RIMS1: variants seen among roughly 807,000 people sequenced by gnomAD.
RIMS1 encodes the protein regulating synaptic membrane exocytosis protein 1.
RIMS1 carries 83 observed loss-of-function variants against 214.1 expected under a neutral mutation model. That is an observed-to-expected ratio of 0.39 (90% CI 0.32 to 0.47). The LOEUF (loss-of-function observed/expected upper bound fraction) is 0.47. Ranked by LOEUF, RIMS1 falls within the 20% of genes least tolerant of loss-of-function variation. The probability of loss-of-function intolerance (pLI) is 0.99; values close to 1 mark genes in which losing one functional copy is unlikely to be tolerated. For synonymous variants in RIMS1, 793 were observed against 786.8 expected, an observed-to-expected ratio of 1.01 and a Z score of -0.13; for missense variants, 2,050 against 2,161.8, an observed-to-expected ratio of 0.95 and a Z score of 1.03.
At chr6:72,103,168 G>C (rs912630934) in intron 4 of RIMS1, among the ~76,000 whole-genome samples, 1 of 152,062 alleles carries the variant, frequency 6.6e-6, no homozygotes, top group African/African-American at 2.4e-5. Context: ...TGGCTGATTA[G>C]ATTTCACAAG....
chr6:72,251,184 A>G (rs1311664392), intron 14 of RIMS1, 31 bp from the exon 15 acceptor site: 5 of 1,575,960 alleles, frequency 3.2e-6, no homozygotes, highest in Middle Eastern at 1.7e-4. Flanking sequence ...TGATAAAGGT[A>G]CTTGATTTAA....
At chr6:72,308,849 A>G (rs2095368974) in intron 27 of RIMS1, among the ~76,000 whole-genome samples, 1 of 152,162 alleles carries the variant, frequency 6.6e-6, no homozygotes, top group Non-Finnish European at 1.5e-5. Context: ...CTTGTTATTT[A>G]TGGTATTATC....
chr6:72,130,330 G>C (rs1192381476), intron 4 of RIMS1, among the ~76,000 whole-genome samples: 1 of 152,012 alleles, frequency 6.6e-6, no homozygotes, highest in East Asian at 1.9e-4. Flanking sequence ...TTACTTTTCA[G>C]AGAAAATCAT....
chr6:71,959,186 TTCATATC>T, intron 1 of RIMS1, among the ~76,000 whole-genome samples: 1 of 152,262 alleles, frequency 6.6e-6, no homozygotes, highest in Middle Eastern at 3.4e-3. Flanking sequence ...ATAACACATT[TTCATATC>T]TCATTGGCTC....
chr6:72,201,613 G>A (rs1157370044), intron 6 of RIMS1, among the ~76,000 whole-genome samples: 2 of 152,164 alleles, frequency 1.3e-5, no homozygotes, highest in Non-Finnish European at 2.9e-5. Flanking sequence ...GAGATCTGCC[G>A]AATTTCTTGC....
intron 1 of RIMS1, among the ~76,000 whole-genome samples, chr6:71,910,003 G>T (rs956874802): frequency 5.3e-5 from 8 of 152,128 alleles, no homozygotes; most frequent in African/African-American, 1.9e-4. Flanking sequence ...ATGGTCAGAG[G>T]ATGTCAGTGT....
At chr6:72,202,799 A>T (rs2052237021) in intron 6 of RIMS1, among the ~76,000 whole-genome samples, 1 of 149,014 alleles carries the variant, frequency 6.7e-6, no homozygotes, top group African/African-American at 2.5e-5. Context: ...TTTTAGGCAT[A>T]GCCAGAGACT....
In RIMS1 at chr6:71,969,041, A is replaced by C. The variant is rs764174237; in HGVS notation, c.223A>C (p.Asn75His). ...AACKTPRNAENQPHQPSPRLH... is the reference protein window; with the variant it reads ...AACKTPRNAEHQPHQPSPRLH... Reference sequence around the variant, plus strand: ...CTGCAAAACACCAAGAAATGCTGAAAACCAGCCCCACCAACCTTCACCGTG... The same window carrying C: ...CTGCAAAACACCAAGAAATGCTGAACACCAGCCCCACCAACCTTCACCGTG... Residue 75 changes from asparagine to histidine, a missense_variant, in exon 2 of 34, where the codon AAC (asparagine) becomes CAC (histidine). Physicochemically the swap from Asn to His is moderately conservative, Grantham distance 68. Transcript: ENST00000521978. 5 of 1,613,992 alleles carry C rather than the reference A, an allele frequency of 3.1e-6. No homozygotes were observed. In the East Asian group the frequency reaches 1.1e-4, roughly 36 times the overall value.
chr6:72,296,760 T>G (rs935669558), intron 26 of RIMS1, among the ~76,000 whole-genome samples: 5 of 151,972 alleles, frequency 3.3e-5, no homozygotes, highest in Non-Finnish European at 7.4e-5. Context: ...TTGAATTAAT[T>G]TGTTGCCCAT....
chr6:72,114,421 G>A (rs2153822980), intron 4 of RIMS1, among the ~76,000 whole-genome samples: 1 of 151,800 alleles, frequency 6.6e-6, no homozygotes, highest in South Asian at 2.1e-4. Context: ...GAAAATCCAG[G>A]GCACATACCT....
intron 6 of RIMS1, among the ~76,000 whole-genome samples, chr6:72,204,352 T>A (rs2052546879): frequency 6.6e-6 from 1 of 152,190 alleles, no homozygotes; most frequent in Non-Finnish European, 1.5e-5. Context: ...AGGTTATCAT[T>A]ATATACAGAA....
At chr6:72,163,121 C>G (rs1481975363) in intron 4 of RIMS1, among the ~76,000 whole-genome samples, 1 of 139,466 alleles carries the variant, frequency 7.2e-6, no homozygotes, top group Non-Finnish European at 1.6e-5. Flanking sequence ...CTTCTCTTCT[C>G]ACTTCATTTC....
chr6:72,241,295 T>C (rs1431167078), intron 9 of RIMS1, among the ~76,000 whole-genome samples: 1 of 152,150 alleles, frequency 6.6e-6, no homozygotes, highest in East Asian at 1.9e-4. Flanking sequence ...TTCTAGACAC[T>C]GAGAACAACA....
At chr6:72,222,359 G>A (rs1016791595) in intron 6 of RIMS1, among the ~76,000 whole-genome samples, 19 of 152,004 alleles carry the variant, frequency 1.2e-4, no homozygotes, top group Non-Finnish European at 2.2e-4. Flanking sequence ...TACTCTGTGT[G>A]GGGAGTATTA....
rs148955653 is a variant in RIMS1 at position 72,145,820 on chromosome 6, C to A, written c.472-33755C>A. On this transcript the variant is annotated intron_variant, in intron 4 of 33. Coordinates refer to ENST00000521978, the MANE Select transcript of RIMS1 (RefSeq NM_014989.7). ...AACAACAACAAACAAAAAACAGTTT[C>A]TCCAATTGCATCCTGTTGCAAGAGA... Among the ~76,000 whole-genome samples, 171 of 152,250 alleles carry A rather than the reference C, an allele frequency of 1.1e-3. 2 individuals are homozygous for A. The highest frequency in any genetic ancestry group is 3.9e-3 in the African/African-American group (162 of 41,556).
chr6:72,294,916 C>G (rs2093900372), intron 26 of RIMS1, among the ~76,000 whole-genome samples: 1 of 151,602 alleles, frequency 6.6e-6, no homozygotes. Context: ...ATTTAAGTAA[C>G]TCTAATGGTA....
Position 72,026,461 on chromosome 6 carries a change from C to CA in RIMS1, c.245+57398_245+57399insA, listed in dbSNP as rs959274194. On this transcript the variant is annotated intron_variant, in intron 2 of 33. Coordinates refer to ENST00000521978, the MANE Select transcript of RIMS1 (RefSeq NM_014989.7). ...ATTCTTCTCCCCCAGCACCGCCCCC[C>CA]CCCCCAACTTTTTTTTTTCAAACTA... Among the ~76,000 whole-genome samples, 17 of 140,932 alleles carry CA rather than the reference C, an allele frequency of 1.2e-4. No individual in the cohort carries two copies. In the East Asian group the frequency reaches 2.1e-3, roughly 17 times the overall value. The allele number at this position is 140,932 out of a possible 152,430, so 92.5% of individuals were successfully genotyped here.
intron 2 of RIMS1, among the ~76,000 whole-genome samples, chr6:72,088,518 A>T (rs998378793): frequency 1.3e-5 from 2 of 152,072 alleles, no homozygotes; most frequent in African/African-American, 4.8e-5. Context: ...TCAGCCTCCC[A>T]AAGTGCTGGG....
intron 25 of RIMS1, 45 bp from the exon 26 acceptor site, chr6:72,291,889 A>T (rs2093439378): frequency 7.1e-7 from 1 of 1,416,284 alleles, no homozygotes; most frequent in Non-Finnish European, 9.8e-7. Flanking sequence ...GTCAGACCAC[A>T]TTGGAATTTC....
Sources: allele counts gnomAD v4.1 joint callset (sites outside exome capture counted in the v4.1 genomes callset), GRCh38; gene constraint gnomAD v4.1.1; transcripts MANE v1.5; gene names NCBI Gene and HGNC (gene_info 2026-07-23, HGNC 2026-07-21).